The following NALCN variants were observed in gnomAD, a reference collection of about 807,000 sequenced individuals.
NALCN encodes the protein sodium leak channel NALCN.
Under a neutral mutation model 225.3 loss-of-function variants are expected in NALCN, and 111 were observed. That is an observed-to-expected ratio of 0.49 (90% CI 0.42 to 0.58). NALCN has a LOEUF of 0.58. NALCN is among the 20% of genes least tolerant of loss of function. NALCN has a pLI of 0.00. For synonymous variants in NALCN, 764 were observed against 769.0 expected (o/e 0.99, Z 0.11); for missense variants, 1,378 against 2,202.4 (o/e 0.63, Z 7.49).
chr13:101,150,152 CTGT>C (rs143208392), intron 15 of NALCN, among the ~76,000 whole-genome samples: 115,166 of 151,516 alleles, frequency 0.76, 44,075 homozygotes, highest in East Asian at 1. Flanking sequence ...AGAGTACATA[CTGT>C]TGTATGTACT....
chr13:101,288,059 T>C (rs1213686868), intron 9 of NALCN, among the ~76,000 whole-genome samples: 1 of 152,204 alleles, frequency 6.6e-6, no homozygotes, highest in Non-Finnish European at 1.5e-5. Context: ...AAAAAATAGC[T>C]AATAGTCACT....
In NALCN at chr13:101,368,273, G is replaced by A. The variant is rs1303432115; in HGVS notation, c.644+8427C>T. 2.7e-5 allele frequency among the ~76,000 whole-genome samples: 4 copies of A among 150,896 alleles called. No homozygotes were observed. The Admixed American group carries it at 2.7e-4, about 10-fold the overall frequency. The stretch of plus-strand genomic sequence containing the variant: ...GCGGTGTTTGGTTTTTTGTTCTTGC[G>A]ATAGTTTACTGAGAATGATGATTTC... On this transcript the variant is annotated intron_variant, in intron 6 of 43. Transcript: ENST00000251127.
chr13:101,164,500 A>G (rs2038346489), intron 15 of NALCN, among the ~76,000 whole-genome samples: 2 of 152,166 alleles, frequency 1.3e-5, no homozygotes, highest in Non-Finnish European at 2.9e-5. Flanking sequence ...TATATTGCCC[A>G]GGTTGGTCTC....
intron 11 of NALCN, among the ~76,000 whole-genome samples, chr13:101,252,696 C>T (rs917899884): frequency 6.6e-6 from 1 of 152,086 alleles, no homozygotes; most frequent in African/African-American, 2.4e-5. Context: ...CATGACTGTC[C>T]TCATTAATAC....
Position 101,068,686 on chromosome 13 carries a change from A to C in NALCN, c.4330+9T>G. ...AAAGAGTAAAAAGTATTCAACTAACATCACTTACCTACAAGCAGATTTAGC... is the reference window on the plus strand; with the variant it reads ...AAAGAGTAAAAAGTATTCAACTAACCTCACTTACCTACAAGCAGATTTAGC... On this transcript the variant is annotated intron_variant, in intron 38 of 43. Transcript: ENST00000251127. 1 of 1,585,986 alleles carries C rather than the reference A, an allele frequency of 6.3e-7. No individual in the cohort carries two copies. Among genetic ancestry groups the C allele is most frequent in the Non-Finnish European group, 8.6e-7 (1 of 1,167,690 alleles).
chr13:101,090,638 C>G (rs2034183654), intron 28 of NALCN, among the ~76,000 whole-genome samples: 1 of 152,132 alleles, frequency 6.6e-6, no homozygotes, highest in Admixed American at 6.5e-5. Flanking sequence ...GACTCTTAGT[C>G]TGGTCCCCTT....
At chr13:101,188,221 A>G (rs946443584) in intron 14 of NALCN, among the ~76,000 whole-genome samples, 3 of 152,176 alleles carry the variant, frequency 2.0e-5, no homozygotes, top group Non-Finnish European at 4.4e-5. Flanking sequence ...ACAATGACCA[A>G]ATTAGCTTCA....
At chr13:101,181,123 G>A (rs1162144887) in intron 14 of NALCN, 1 of 518,834 alleles carries the variant, frequency 1.9e-6, no homozygotes, top group Non-Finnish European at 3.8e-6. Context: ...CAATGACAGA[G>A]AGCCAAGGAT....
At chr13:101,073,424 T>C (rs577388428) in intron 37 of NALCN, among the ~76,000 whole-genome samples, 160 bp downstream of exon 37, 11 of 152,162 alleles carry the variant, frequency 7.2e-5, no homozygotes, top group Non-Finnish European at 1.6e-4. Context: ...TATTCACACA[T>C]TGGAATGTAT....
At chr13:101,060,278 T>TTTTTTTTTG (rs1246627996) in intron 41 of NALCN, among the ~76,000 whole-genome samples, 2 of 135,552 alleles carry the variant, frequency 1.5e-5, no homozygotes, top group African/African-American at 2.8e-5. Context: ...GTTTTCTGTT[T>TTTTTTTTTG]TTTTTTTTTT....
intron 3 of NALCN, among the ~76,000 whole-genome samples, chr13:101,382,532 T>C (rs1020696252): frequency 6.6e-6 from 1 of 152,182 alleles, no homozygotes; most frequent in Non-Finnish European, 1.5e-5. Flanking sequence ...TGAAAAGCTA[T>C]CAATAACAGA....
At chr13:101,302,598 C>A (rs1340366629) in intron 7 of NALCN, among the ~76,000 whole-genome samples, 2 of 152,060 alleles carry the variant, frequency 1.3e-5, no homozygotes, top group Non-Finnish European at 2.9e-5. Flanking sequence ...CAAATTTACA[C>A]TGAATGTCAT....
chr13:101,335,199 C>T (rs2139254666), intron 7 of NALCN, among the ~76,000 whole-genome samples: 1 of 152,298 alleles, frequency 6.6e-6, no homozygotes, highest in South Asian at 2.1e-4. Context: ...AACTCCTAAA[C>T]ATCTTTCAGC....
chr13:101,111,460 C>T (rs1436844260), intron 18 of NALCN, among the ~76,000 whole-genome samples: 1 of 152,126 alleles, frequency 6.6e-6, no homozygotes, highest in Admixed American at 6.5e-5. Context: ...AGAAAGCTCC[C>T]CTCTTGCCCC....
chr13:101,312,516 CT>C (rs1334423170), intron 7 of NALCN, among the ~76,000 whole-genome samples: 4 of 151,702 alleles, frequency 2.6e-5, no homozygotes, highest in Non-Finnish European at 5.9e-5. Context: ...AAATTTCCCT[CT>C]ACACACTGCT....
intron 11 of NALCN, among the ~76,000 whole-genome samples, chr13:101,256,764 G>GT (rs1261797646): frequency 1.4e-3 from 128 of 89,334 alleles, no homozygotes; most frequent in Admixed American, 3.0e-3. Flanking sequence ...GCTTCTTTCT[G>GT]CTTTTTTTTT....
At chr13:101,127,924 A>C (rs995997837) in intron 17 of NALCN, among the ~76,000 whole-genome samples, 2 of 152,222 alleles carry the variant, frequency 1.3e-5, no homozygotes, top group African/African-American at 4.8e-5. Flanking sequence ...AAGAGCTCAG[A>C]GCTACACTGC....
At chr13:101,063,102 G>A (rs2139414020) in intron 40 of NALCN, among the ~76,000 whole-genome samples, 1 of 152,294 alleles carries the variant, frequency 6.6e-6, no homozygotes, top group East Asian at 1.9e-4. Flanking sequence ...TCTTGGCAGT[G>A]TGATGCACCC....
chr13:101,352,975 A>C (rs975235006), intron 6 of NALCN, among the ~76,000 whole-genome samples: 2 of 152,346 alleles, frequency 1.3e-5, no homozygotes, highest in East Asian at 3.9e-4. Context: ...TGATGTAAAT[A>C]AATAAGTAGC....
Sources: gnomAD v4.1 joint callset for allele counts (sites outside exome capture counted in the v4.1 genomes callset) on GRCh38, gnomAD v4.1.1 for gene constraint, MANE v1.5 for transcripts, NCBI Gene and HGNC (gene_info 2026-07-23, HGNC 2026-07-21) for gene names.